The following BACE2 variants were observed in gnomAD, a reference collection of about 807,000 sequenced individuals.
BACE2 encodes beta-secretase 2.
A neutral mutation model predicts 46.2 loss-of-function variants in BACE2; 17 were observed. The ratio of observed to expected loss-of-function variants is 0.37; its 90% confidence interval spans 0.25 to 0.55. The LOEUF is 0.55. BACE2 is among the 20% of genes least tolerant of loss of function. The probability of loss-of-function intolerance (pLI) is 0.82; values close to 1 mark genes in which losing one functional copy is unlikely to be tolerated. For synonymous variants in BACE2, 277 were observed against 295.9 expected, an observed-to-expected ratio of 0.94 and a Z score of 0.66; for missense variants, 595 against 698.1, an observed-to-expected ratio of 0.85 and a Z score of 1.66.
At chr21:41,171,911 C>T (rs1346374874) in intron 1 of BACE2, among the ~76,000 whole-genome samples, 1 of 152,210 alleles carries the variant, frequency 6.6e-6, no homozygotes, top group Non-Finnish European at 1.5e-5. Context: ...AATCATGGTG[C>T]ATTCACTTGA....
At chr21:41,190,371 T>A (rs1280831622) in intron 1 of BACE2, among the ~76,000 whole-genome samples, 2 of 152,218 alleles carry the variant, frequency 1.3e-5, no homozygotes, top group Admixed American at 1.3e-4. Flanking sequence ...AATACTTAAA[T>A]GCTGATTTGA....
Position 41,276,477 on chromosome 21 carries a change from C to T in BACE2, c.*853C>T, listed in dbSNP as rs1412067945. The T allele has an allele frequency of 6.6e-6, 1 of 152,254 alleles. No individual in the cohort carries two copies. The highest frequency in any genetic ancestry group is 2.4e-5 in the African/African-American group (1 of 41,440). The allele number at this position is 152,254 out of a possible 1,614,324, so 9.4% of individuals were successfully genotyped here. On this transcript the variant is annotated 3_prime_UTR_variant, in exon 9 of 9. Coordinates refer to ENST00000330333, the MANE Select transcript of BACE2 (RefSeq NM_012105.5). ...AATTATCATCCCAACAGCCAAGACC[C>T]AACAGGTGCTGAACTGTGCATCAAC...
At chr21:41,267,560 C>T (rs1486965015) in intron 8 of BACE2, among the ~76,000 whole-genome samples, 1 of 152,146 alleles carries the variant, frequency 6.6e-6, no homozygotes, top group Non-Finnish European at 1.5e-5. Flanking sequence ...GTGAATTTTT[C>T]TTGCTGCAGG....
chr21:41,210,109 T>G (rs1403679537), intron 1 of BACE2, among the ~76,000 whole-genome samples: 1 of 152,060 alleles, frequency 6.6e-6, no homozygotes, highest in Admixed American at 6.5e-5. Flanking sequence ...GAGTGATCTC[T>G]TAGGTTCTTA....
intron 4 of BACE2, 133 bp from the exon 5 acceptor site, chr21:41,243,243 T>C (rs1987358235): frequency 1.4e-6 from 1 of 730,596 alleles, no homozygotes; most frequent in African/African-American, 1.9e-5. Context: ...TGATATTTGT[T>C]TCATGACATT....
intron 1 of BACE2, among the ~76,000 whole-genome samples, chr21:41,216,207 A>C (rs1023888866): frequency 1.3e-5 from 2 of 152,236 alleles, no homozygotes; most frequent in Non-Finnish European, 2.9e-5. Flanking sequence ...GTCACCACAC[A>C]GAAAATGGTG....
intron 1 of BACE2, among the ~76,000 whole-genome samples, chr21:41,169,392 G>T (rs1206323923): frequency 6.7e-6 from 1 of 148,428 alleles, no homozygotes; most frequent in Non-Finnish European, 1.5e-5. Flanking sequence ...TTACTCTGAT[G>T]TTCATTTACT....
intron 8 of BACE2, 150 bp downstream of exon 8, chr21:41,257,476 T>C: frequency 1.1e-6 from 1 of 939,186 alleles, no homozygotes; most frequent in Non-Finnish European, 1.6e-6. Flanking sequence ...CTCAATAAAA[T>C]GGGTCATGGG....
chr21:41,213,252 C>T (rs1190651186), intron 1 of BACE2, among the ~76,000 whole-genome samples: 2 of 152,104 alleles, frequency 1.3e-5, no homozygotes, highest in Non-Finnish European at 2.9e-5. Flanking sequence ...CACGAGACAA[C>T]CCTAGACACC....
At chr21:41,201,185 G>A (rs1215493261) in intron 1 of BACE2, among the ~76,000 whole-genome samples, 1 of 152,234 alleles carries the variant, frequency 6.6e-6, no homozygotes, top group South Asian at 2.1e-4. Flanking sequence ...CATGCAAAAT[G>A]TTTATCTTAC....
chr21:41,236,929 G>C (rs1246730424), intron 2 of BACE2, among the ~76,000 whole-genome samples: 1 of 152,210 alleles, frequency 6.6e-6, no homozygotes, highest in Non-Finnish European at 1.5e-5. Context: ...TTAAACTCCA[G>C]CCACATGTTT....
At position 41,180,000 on chromosome 21, in the gene BACE2, G is replaced by A. The variant is rs569889343; in HGVS notation, c.312+11425G>A. 1.4e-4 allele frequency: 49 copies of A among 346,848 alleles called. No individual in the cohort carries two copies. The East Asian group carries it at 2.6e-3, about 19-fold the overall frequency. The allele number at this position is 346,848 out of a possible 1,614,324, so 21.5% of individuals were successfully genotyped here. ...GTTAGCAACTTTTATTGAAGCGGCC[G>A]GCTGTGCACAGCAGCAGCAGAGGCG... On this transcript the variant is annotated intron_variant, in intron 1 of 8. Coordinates refer to ENST00000330333, the MANE Select transcript of BACE2 (RefSeq NM_012105.5).
chr21:41,233,696 C>T (rs1432064962), intron 2 of BACE2, among the ~76,000 whole-genome samples: 1 of 152,162 alleles, frequency 6.6e-6, no homozygotes, highest in Non-Finnish European at 1.5e-5. Context: ...CAAGGTGGCT[C>T]ACGCCTGTAA....
intron 1 of BACE2, among the ~76,000 whole-genome samples, chr21:41,169,449 G>GAA (rs34570194): frequency 0.012 from 1,614 of 129,804 alleles, 34 homozygotes; most frequent in African/African-American, 0.045. Flanking sequence ...ACAGTGATCT[G>GAA]AAAAAAAAAA....
chr21:41,178,915 G>A, intron 1 of BACE2: 1 of 340,352 alleles, frequency 2.9e-6, no homozygotes, highest in East Asian at 8.3e-5. Flanking sequence ...TGTGGGAAGG[G>A]GTATTGGTGA....
At chr21:41,242,052 C>T (rs760122689) in intron 4 of BACE2, 105 bp downstream of exon 4, 24 of 1,435,416 alleles carry the variant, frequency 1.7e-5, no homozygotes, top group Middle Eastern at 1.8e-4. Flanking sequence ...TGTAGGTGTG[C>T]GTAGGTACTG....
chr21:41,280,172 A>G lies in BACE2; in HGVS notation c.*4548A>G, dbSNP rs558882297. 1 of 152,504 alleles carries G rather than the reference A, an allele frequency of 6.6e-6. No individual in the cohort carries two copies. The highest frequency in any genetic ancestry group is 6.5e-5 in the Admixed American group (1 of 15,306). 9.4% of individuals were successfully genotyped at this position (152,504 alleles called of 1,614,324 possible). ...GCAGGACACAGGCAGGTTCAAGGTC[A>G]TGCACCTGGAAATTTGTAGGGGAGG... is the stretch of plus-strand genomic sequence containing the variant. On this transcript the variant is annotated 3_prime_UTR_variant, in exon 9 of 9. Transcript: ENST00000330333.
chr21:41,222,752 A>AC (rs1306632449), intron 1 of BACE2, among the ~76,000 whole-genome samples: 1 of 151,948 alleles, frequency 6.6e-6, no homozygotes, highest in Non-Finnish European at 1.5e-5. Context: ...AGTGGTGTGG[A>AC]CCCCCACAGA....
At chr21:41,184,942 G>A (rs749256304) in intron 1 of BACE2, 1 of 166,956 alleles carries the variant, frequency 6.0e-6, no homozygotes, top group Non-Finnish European at 1.5e-5. Context: ...CCATGTTTAG[G>A]CCAGATATAT....
Sources: gnomAD v4.1 joint callset for allele counts (sites outside exome capture counted in the v4.1 genomes callset) on GRCh38, gnomAD v4.1.1 for gene constraint, MANE v1.5 for transcripts, NCBI Gene and HGNC (gene_info 2026-07-23, HGNC 2026-07-21) for gene names.